The following FGF14 variants were observed in gnomAD, a reference collection of about 807,000 sequenced individuals.
The protein encoded by FGF14 is fibroblast growth factor 14.
FGF14 carries 5 observed loss-of-function variants against 25.5 expected under a neutral mutation model. That is an observed-to-expected ratio of 0.20 (90% CI 0.10 to 0.41). FGF14 has a LOEUF of 0.41. Among genes scored for constraint, FGF14 ranks in the 10% least tolerant of loss-of-function variants. The pLI, the probability that FGF14 is intolerant of heterozygous loss-of-function variation, is 1.00. For synonymous variants in FGF14, 138 were observed against 118.3 expected (o/e 1.17, Z -1.08); for missense variants, 222 against 320.1 (o/e 0.69, Z 2.34).
At chr13:102,026,424 T>G (rs1020038668) in intron 1 of FGF14, among the ~76,000 whole-genome samples, 8 of 151,218 alleles carry the variant, frequency 5.3e-5, no homozygotes, top group Non-Finnish European at 8.8e-5. Context: ...ATACTTTTTT[T>G]GATATTAGAA....
chr13:102,220,286 GA>G (rs1467403885), intron 1 of FGF14, among the ~76,000 whole-genome samples: 1 of 151,896 alleles, frequency 6.6e-6, no homozygotes, highest in Non-Finnish European at 1.5e-5. Context: ...TTTCATTTAA[GA>G]ATGGAAATGA....
At chr13:101,930,976 T>C (rs1295113816) in intron 1 of FGF14, among the ~76,000 whole-genome samples, 1 of 152,192 alleles carries the variant, frequency 6.6e-6, no homozygotes, top group African/African-American at 2.4e-5. Context: ...TGAGATGGCT[T>C]GTGTTTTAGC....
At chr13:102,009,952 T>C (rs1246714823) in intron 1 of FGF14, among the ~76,000 whole-genome samples, 1 of 152,146 alleles carries the variant, frequency 6.6e-6, no homozygotes, top group Non-Finnish European at 1.5e-5. Context: ...CTTGCCAAGG[T>C]TGACTATAAA....
intron 1 of FGF14, among the ~76,000 whole-genome samples, chr13:101,988,206 T>C (rs2038699470): frequency 6.6e-6 from 1 of 151,904 alleles, no homozygotes; most frequent in South Asian, 2.1e-4. Flanking sequence ...TTAGTCCTGA[T>C]GTTAATGAAC....
rs561024090 is a variant in FGF14 at position 101,798,407 on chromosome 13, G to A, written c.408+70318C>T. On this transcript the variant is annotated intron_variant, in intron 3 of 4. Coordinates refer to ENST00000376143, the MANE Select transcript of FGF14 (RefSeq NM_004115.4). ...CCTCTGAGCTGAAAACTATCTTAAC[G>A]ATGAAGTAGTTTGAGATTAAAATAG... 3.3e-5 allele frequency among the ~76,000 whole-genome samples: 5 copies of A among 152,084 alleles called. No homozygotes were observed. The South Asian group carries it at 6.2e-4, about 19-fold the overall frequency.
chr13:102,153,436 T>C (rs1295718081), intron 1 of FGF14, among the ~76,000 whole-genome samples: 1 of 152,206 alleles, frequency 6.6e-6, no homozygotes, highest in Non-Finnish European at 1.5e-5. Flanking sequence ...TGCACGCCCT[T>C]GAGCAAATTG....
intron 1 of FGF14, among the ~76,000 whole-genome samples, chr13:102,090,595 C>T (rs1380647265): frequency 6.6e-6 from 1 of 152,204 alleles, no homozygotes; most frequent in Non-Finnish European, 1.5e-5. Context: ...GTAATGGTCA[C>T]TCAGAGTTGT....
intron 1 of FGF14, among the ~76,000 whole-genome samples, chr13:101,896,200 C>T (rs2030640990): frequency 6.6e-6 from 1 of 152,124 alleles, no homozygotes. Context: ...ATATTTTTCT[C>T]ATTTTGTGTT....
intron 1 of FGF14, among the ~76,000 whole-genome samples, chr13:102,341,913 C>A (rs1360976): frequency 0.19 from 29,294 of 152,050 alleles, 2,847 homozygotes; most frequent in South Asian, 0.22. Flanking sequence ...CTGTGGTTAG[C>A]TTCTCCATAG....
At chr13:102,298,170 A>G (rs568893558) in intron 1 of FGF14, among the ~76,000 whole-genome samples, 13 of 152,166 alleles carry the variant, frequency 8.5e-5, no homozygotes, top group African/African-American at 3.1e-4. Flanking sequence ...CGACTGGGGG[A>G]AAAAAACTCA....
chr13:102,054,991 T>G (rs2042368765), intron 1 of FGF14, among the ~76,000 whole-genome samples: 1 of 152,208 alleles, frequency 6.6e-6, no homozygotes, highest in African/African-American at 2.4e-5. Context: ...CAGGTATCCA[T>G]GTCTCACATT....
chr13:101,804,798 C>T (rs956891820), intron 3 of FGF14, among the ~76,000 whole-genome samples: 1 of 152,010 alleles, frequency 6.6e-6, no homozygotes, highest in African/African-American at 2.4e-5. Flanking sequence ...TTTTACTTGA[C>T]AGTTACCAAG....
intron 1 of FGF14, among the ~76,000 whole-genome samples, chr13:101,991,710 A>G (rs1017372460): frequency 6.6e-6 from 1 of 152,116 alleles, no homozygotes; most frequent in African/African-American, 2.4e-5. Context: ...AGATGAAGCC[A>G]GTATCAGTAG....
At chr13:102,291,428 A>G (rs572901566) in intron 1 of FGF14, among the ~76,000 whole-genome samples, 1 of 152,314 alleles carries the variant, frequency 6.6e-6, no homozygotes, top group African/African-American at 2.4e-5. Flanking sequence ...TTGGGAGGAA[A>G]AAAAGTCTAG....
intron 1 of FGF14, among the ~76,000 whole-genome samples, chr13:102,266,019 A>T (rs552145531): frequency 6.6e-6 from 1 of 152,226 alleles, no homozygotes; most frequent in Non-Finnish European, 1.5e-5. Flanking sequence ...CAGCCCCACA[A>T]AAAAAGACTA....
intron 1 of FGF14, among the ~76,000 whole-genome samples, chr13:102,275,103 C>A (rs536097459): frequency 6.6e-6 from 1 of 152,072 alleles, no homozygotes; most frequent in Non-Finnish European, 1.5e-5. Context: ...CTCCTGTATG[C>A]ATTAAATTAT....
chr13:102,140,264 C>A (rs926142983), intron 1 of FGF14, among the ~76,000 whole-genome samples: 1 of 151,962 alleles, frequency 6.6e-6, no homozygotes, highest in African/African-American at 2.4e-5. Context: ...AAATGACTAC[C>A]CAATACAGTA....
intron 1 of FGF14, among the ~76,000 whole-genome samples, chr13:102,013,265 G>A (rs2040174285): frequency 6.6e-6 from 1 of 152,062 alleles, no homozygotes; most frequent in Admixed American, 6.6e-5. Context: ...AATGCACTCA[G>A]CCTTCTACAT....
chr13:102,396,516 A>T (rs1412423061), intron 1 of FGF14, among the ~76,000 whole-genome samples: 1 of 152,234 alleles, frequency 6.6e-6, no homozygotes. Context: ...GTATAAAAAC[A>T]CTTCACAAAA....
Sources: allele counts gnomAD v4.1 joint callset (sites outside exome capture counted in the v4.1 genomes callset), GRCh38; gene constraint gnomAD v4.1.1; transcripts MANE v1.5; gene names NCBI Gene and HGNC (gene_info 2026-07-23, HGNC 2026-07-21).